Variants in CADM2 observed in about 807,000 individuals in gnomAD.
CADM2 encodes the protein immunoglobulin superfamily member 4D.
In CADM2, 12 loss-of-function variants were observed where a neutral mutation model predicts 49.8. That is an observed-to-expected ratio of 0.24 (90% CI 0.15 to 0.39). CADM2 has a LOEUF of 0.39. Among genes scored for constraint, CADM2 ranks in the 10% least tolerant of loss-of-function variants. The probability of loss-of-function intolerance (pLI) is 1.00; values close to 1 mark genes in which losing one functional copy is unlikely to be tolerated. For synonymous variants in CADM2, 214 were observed against 175.4 expected (o/e 1.22, Z -1.74); for missense variants, 378 against 492.3 (o/e 0.77, Z 2.20).
intron 8 of CADM2, among the ~76,000 whole-genome samples, chr3:85,980,667 A>C (rs950926718): frequency 1.3e-4 from 19 of 151,580 alleles, no homozygotes; most frequent in African/African-American, 3.9e-4. Flanking sequence ...GCTTTATAAT[A>C]TTATGTAAAA....
chr3:85,913,218 A>C (rs1717855667), intron 6 of CADM2, among the ~76,000 whole-genome samples: 1 of 152,204 alleles, frequency 6.6e-6, no homozygotes, highest in South Asian at 2.1e-4. Flanking sequence ...CACAACTAGC[A>C]AATGACAGAC....
intron 1 of CADM2, among the ~76,000 whole-genome samples, chr3:85,519,744 A>G (rs1370099802): frequency 2.0e-5 from 3 of 152,138 alleles, no homozygotes; most frequent in Admixed American, 6.5e-5. Flanking sequence ...TTAATTATAG[A>G]GTTAAAGTAA....
At chr3:85,153,789 C>T (rs1162612123) in intron 1 of CADM2, among the ~76,000 whole-genome samples, 1 of 152,200 alleles carries the variant, frequency 6.6e-6, no homozygotes, top group African/African-American at 2.4e-5. Flanking sequence ...CCCCTGACCC[C>T]CGAGCTGCCT....
chr3:85,522,164 G>A (rs2061038862), intron 1 of CADM2, among the ~76,000 whole-genome samples: 1 of 152,004 alleles, frequency 6.6e-6, no homozygotes, highest in Non-Finnish European at 1.5e-5. Context: ...TTAGGTGATA[G>A]GCAGTATACA....
chr3:85,626,402 T>G (rs754814520), intron 1 of CADM2, among the ~76,000 whole-genome samples: 22 of 151,960 alleles, frequency 1.4e-4, no homozygotes, highest in Non-Finnish European at 2.7e-4. Context: ...CTCAGTGGAA[T>G]AAATCAAATG....
At chr3:86,045,597 A>C (rs1736566711) in intron 8 of CADM2, among the ~76,000 whole-genome samples, 1 of 152,140 alleles carries the variant, frequency 6.6e-6, no homozygotes, top group Non-Finnish European at 1.5e-5. Context: ...ACTTGTTTTT[A>C]GCTGTTTCCA....
At chr3:85,505,877 G>C (rs964260047) in intron 1 of CADM2, among the ~76,000 whole-genome samples, 4 of 151,958 alleles carry the variant, frequency 2.6e-5, no homozygotes, top group Admixed American at 2.6e-4. Context: ...TTTTGCTTTC[G>C]GTTATTGTTT....
intron 1 of CADM2, among the ~76,000 whole-genome samples, chr3:85,238,232 G>A (rs1057439871): frequency 4.0e-5 from 6 of 151,848 alleles, no homozygotes; most frequent in African/African-American, 1.4e-4. Context: ...CTTTAAGAAC[G>A]TATCAGTGTG....
intron 3 of CADM2, among the ~76,000 whole-genome samples, chr3:85,811,656 C>A (rs1301079132): frequency 6.6e-6 from 1 of 152,080 alleles, no homozygotes; most frequent in Non-Finnish European, 1.5e-5. Context: ...ACAGAATTAG[C>A]ACATGGTCAA....
chr3:84,967,249 A>G (rs568871168), intron 1 of CADM2, among the ~76,000 whole-genome samples: 3 of 152,224 alleles, frequency 2.0e-5, no homozygotes, highest in East Asian at 1.9e-4. Flanking sequence ...AATTGTTTGT[A>G]TTCTAAAATG....
At chr3:85,922,199 T>C (rs1719209285) in intron 6 of CADM2, among the ~76,000 whole-genome samples, 1 of 151,926 alleles carries the variant, frequency 6.6e-6, no homozygotes, top group Admixed American at 6.6e-5. Context: ...TCTTTCCTTC[T>C]CCTTCTTCCC....
chr3:85,878,410 G>T (rs903524190), intron 3 of CADM2, among the ~76,000 whole-genome samples: 8 of 151,964 alleles, frequency 5.3e-5, no homozygotes, highest in Non-Finnish European at 1.2e-4. Context: ...AATTAGTCAA[G>T]GCTGGTAATA....
intron 1 of CADM2, among the ~76,000 whole-genome samples, chr3:85,277,282 A>G (rs566090033): frequency 6.6e-6 from 1 of 151,550 alleles, no homozygotes; most frequent in South Asian, 2.1e-4. Context: ...AAGCTGAAAT[A>G]ACAAGCTCAA....
intron 6 of CADM2, among the ~76,000 whole-genome samples, chr3:85,925,835 T>C (rs1196008819): frequency 2.0e-5 from 3 of 151,980 alleles, no homozygotes; most frequent in Non-Finnish European, 4.4e-5. Context: ...GATAGATAGA[T>C]AGACAAATAT....
At chr3:85,071,476 G>C (rs1420870276) in intron 1 of CADM2, among the ~76,000 whole-genome samples, 1 of 152,122 alleles carries the variant, frequency 6.6e-6, no homozygotes, top group Non-Finnish European at 1.5e-5. Flanking sequence ...CTTACAAGTA[G>C]TGCCACCAAA....
chr3:85,979,082 A>C, intron 8 of CADM2: 1 of 1,461,518 alleles, frequency 6.8e-7, no homozygotes, highest in Non-Finnish European at 9.4e-7. Context: ...AATAAGTTAT[A>C]TGTATTTATA....
At chr3:85,298,057 G>A (rs540485100) in intron 1 of CADM2, among the ~76,000 whole-genome samples, 1 of 152,070 alleles carries the variant, frequency 6.6e-6, no homozygotes, top group East Asian at 1.9e-4. Context: ...ATATTATTTA[G>A]GGTTATGTTA....
intron 1 of CADM2, among the ~76,000 whole-genome samples, chr3:85,137,847 G>A (rs950376006): frequency 2.0e-5 from 3 of 151,886 alleles, no homozygotes; most frequent in African/African-American, 4.8e-5. Flanking sequence ...ACAAAATAAC[G>A]TTTCTGAATA....
intron 8 of CADM2, among the ~76,000 whole-genome samples, chr3:85,969,430 T>C (rs1160294154): frequency 1.3e-5 from 2 of 151,346 alleles, no homozygotes; most frequent in African/African-American, 2.4e-5. Flanking sequence ...CTGCCAGAAA[T>C]GCTGATCTTT....
Sources: allele counts gnomAD v4.1 joint callset (sites outside exome capture counted in the v4.1 genomes callset), GRCh38; gene constraint gnomAD v4.1.1; transcripts MANE v1.5; gene names NCBI Gene and HGNC (gene_info 2026-07-23, HGNC 2026-07-21).